The following SCN7A variants were observed in gnomAD, a reference collection of about 807,000 sequenced individuals.
SCN7A encodes sodium voltage-gated channel alpha subunit 7.
Under a neutral mutation model 155.2 loss-of-function variants are expected in SCN7A, and 138 were observed. The observed-to-expected ratio is 0.89, with a 90% CI of 0.77 to 1.02. The LOEUF (loss-of-function observed/expected upper bound fraction) is 1.02. SCN7A is among the 50% of genes least tolerant of loss of function. SCN7A has a pLI of 0.00. For missense variants in SCN7A, 2,058 were observed against 1,986.6 expected, an observed-to-expected ratio of 1.04 and a Z score of -0.68; for synonymous variants, 693 against 649.0, an observed-to-expected ratio of 1.07 and a Z score of -1.03.
Position 166,429,155 on chromosome 2 carries a change from C to T in SCN7A, c.2698+14G>A, listed in dbSNP as rs765351053. Reference sequence around the variant, plus strand: ...CAAATTAGTTTCCTAGCAAGATTAACAAAATTTTCTTACCATTTTTCAGAT... The same window carrying T: ...CAAATTAGTTTCCTAGCAAGATTAATAAAATTTTCTTACCATTTTTCAGAT... On this transcript the variant is annotated intron_variant, in intron 17 of 25. Transcript: ENST00000643258. The T allele has an allele frequency of 1.6e-5, 23 of 1,476,898 alleles. 1 individual carries two copies. In the South Asian group the frequency reaches 2.7e-4, roughly 17 times the overall value. The allele number at this position is 1,476,898 out of a possible 1,614,324, so 91.5% of individuals were successfully genotyped here. A position where few individuals can be genotyped will look rare whatever the true frequency, so the allele number is the denominator to read the frequency against.
At chr2:166,428,533 C>T (rs774014979) in intron 17 of SCN7A, among the ~76,000 whole-genome samples, 10 of 151,898 alleles carry the variant, frequency 6.6e-5, no homozygotes, top group Non-Finnish European at 1.2e-4. Context: ...CTGCACTCTG[C>T]GCTCTGGCCA....
chr2:166,477,775 T>C (rs2105514706), intron 2 of SCN7A, 65 bp from the exon 3 acceptor site: 1 of 1,025,142 alleles, frequency 9.8e-7, no homozygotes, highest in Non-Finnish European at 1.4e-6. Context: ...AAGATTAGGA[T>C]ACGAAAAATA....
In SCN7A at chr2:166,456,970, T is replaced by C. The variant is rs531031459; in HGVS notation, c.1190A>G (p.Tyr397Cys). ...ACCAACTCTCTGCTTTTCTTCTTCA[T>C]AGGCCATGGCAAGTATGCCTAAGAA... ...SLFLGILAMA[Y>C]EEEKQRVGEI... Residue 397 changes from tyrosine to cysteine, a missense_variant, in exon 11 of 26, where the codon TAT becomes TGT. Coordinates refer to ENST00000643258, the MANE Select transcript of SCN7A (RefSeq NM_002976.4). 3 of 1,604,212 alleles carry C rather than the reference T, an allele frequency of 1.9e-6. No individual in the cohort carries two copies. Among genetic ancestry groups the C allele is most frequent in the African/African-American group, 2.7e-5 (2 of 74,896 alleles).
chr2:166,421,641 T>G (rs1575011846), intron 19 of SCN7A, among the ~76,000 whole-genome samples: 1 of 151,990 alleles, frequency 6.6e-6, no homozygotes, highest in African/African-American at 2.4e-5. Context: ...TCATAATTAC[T>G]TGTAATACAG....
intron 16 of SCN7A, among the ~76,000 whole-genome samples, chr2:166,432,001 T>C (rs995622659): frequency 3.9e-5 from 6 of 152,118 alleles, no homozygotes; most frequent in East Asian, 1.9e-4. Flanking sequence ...TATTAATTTA[T>C]AGAATGTCAC....
intron 7 of SCN7A, among the ~76,000 whole-genome samples, chr2:166,466,772 A>G (rs1452344707): frequency 6.6e-6 from 1 of 152,008 alleles, no homozygotes; most frequent in East Asian, 1.9e-4. Flanking sequence ...ATGAATGAGA[A>G]TATACTAACT....
At chr2:166,438,425 G>A (rs1401009100) in intron 15 of SCN7A, among the ~76,000 whole-genome samples, 2 of 152,116 alleles carry the variant, frequency 1.3e-5, no homozygotes, top group African/African-American at 4.8e-5. Flanking sequence ...AGCAGCATGA[G>A]AGTGGACTAA....
chr2:166,419,176 G>T (rs1701454888), intron 20 of SCN7A, among the ~76,000 whole-genome samples: 1 of 152,020 alleles, frequency 6.6e-6, no homozygotes, highest in Non-Finnish European at 1.5e-5. Flanking sequence ...TTAGGAAAAA[G>T]AACTGGTATT....
chr2:166,469,216 T>C (rs1213473894), intron 7 of SCN7A, among the ~76,000 whole-genome samples: 1 of 151,792 alleles, frequency 6.6e-6, no homozygotes, highest in East Asian at 1.9e-4. Flanking sequence ...ACTGTATTAA[T>C]ATAGAATTCC....
chr2:166,426,598 G>A (rs932045297), intron 18 of SCN7A, among the ~76,000 whole-genome samples: 8 of 152,068 alleles, frequency 5.3e-5, no homozygotes, highest in African/African-American at 1.9e-4. Flanking sequence ...AACAAAATGA[G>A]AGGAAGAAGA....
At chr2:166,431,586 A>G (rs750324339) in intron 16 of SCN7A, among the ~76,000 whole-genome samples, 1 of 152,070 alleles carries the variant, frequency 6.6e-6, no homozygotes, top group Non-Finnish European at 1.5e-5. Flanking sequence ...ACCTCCTTCT[A>G]AAACACAAGC....
chr2:166,409,661 T>A lies in SCN7A; in HGVS notation c.3982+4A>T. On this transcript the variant is annotated splice_donor_region_variant and intron_variant, in intron 25 of 25. Coordinates refer to ENST00000643258, the MANE Select transcript of SCN7A (RefSeq NM_002976.4). ...AGTAAAAATTTGACTAAACAAAATC[T>A]TACCTGTGATGGAGAAAATAACCAC... The A allele has an allele frequency of 6.7e-7, 1 of 1,489,430 alleles. No individual in the cohort carries two copies. Among genetic ancestry groups the A allele is most frequent in the Non-Finnish European group, 8.9e-7 (1 of 1,122,568 alleles). 92.3% of individuals were successfully genotyped at this position (1,489,430 alleles called of 1,614,324 possible).
At chr2:166,471,364 A>G (rs1702650636) in intron 6 of SCN7A, among the ~76,000 whole-genome samples, 1 of 151,980 alleles carries the variant, frequency 6.6e-6, no homozygotes, top group Non-Finnish European at 1.5e-5. Context: ...GAATTAATTT[A>G]TGTGAAGTAC....
At chr2:166,419,575 C>G (rs545048857) in intron 20 of SCN7A, among the ~76,000 whole-genome samples, 4 of 151,912 alleles carry the variant, frequency 2.6e-5, no homozygotes, top group Admixed American at 6.6e-5. Flanking sequence ...CTGTGTTACC[C>G]GGGCTCGTCT....
rs1701050523 is a variant in SCN7A, at chr2:166,405,594, G to C, written c.5035C>G (p.Gln1679Glu). ...FDKAKEKSPI[Q>E]SQI ...GGTAAGTGGTATTAGATCTGGCTTT[G>C]AATAGGTGACTTTTCCTTAGCTTTG... Residue 1679 changes from glutamine to glutamate, a missense_variant, in exon 26 of 26, where the codon CAA becomes GAA. Gln to Glu is a conservative substitution (Grantham distance 29). Transcript: ENST00000643258. 2 of 1,586,860 alleles carry C rather than the reference G, an allele frequency of 1.3e-6. No homozygotes were observed. The highest frequency in any genetic ancestry group is 1.7e-6 in the Non-Finnish European group (2 of 1,168,016).
chr2:166,432,191 T>C (rs577826998), intron 16 of SCN7A, 127 bp downstream of exon 16: 7 of 673,648 alleles, frequency 1.0e-5, no homozygotes, highest in Non-Finnish European at 1.5e-5. Context: ...CTAAGAGTGA[T>C]GGAGCTAGGA....
rs1701170608 is a variant in SCN7A, at chr2:166,410,219, C to A, written c.3711+1G>T. 6.5e-7 allele frequency: 1 copy of A among 1,536,460 alleles called. No homozygotes were observed. Among genetic ancestry groups the A allele is most frequent in the Non-Finnish European group, 8.8e-7 (1 of 1,138,828 alleles). ...TTCAAAAAATCTAGACATTTTCTTA[C>A]TAATGGGCGAGGTACTGGTCTTTGA... is the stretch of plus-strand genomic sequence containing the variant. On this transcript the variant is annotated splice_donor_variant, in intron 24 of 25. Coordinates refer to ENST00000643258, the MANE Select transcript of SCN7A (RefSeq NM_002976.4). LOFTEE classifies it high-confidence loss of function.
intron 15 of SCN7A, chr2:166,440,434 T>G (rs1701935761): frequency 6.6e-6 from 1 of 152,152 alleles, no homozygotes; most frequent in East Asian, 1.9e-4. Flanking sequence ...TCTGGGAGTC[T>G]GCATTTCTAA....
chr2:166,458,039 T>C (rs949440997), intron 10 of SCN7A, among the ~76,000 whole-genome samples: 1 of 152,204 alleles, frequency 6.6e-6, no homozygotes, highest in Admixed American at 6.5e-5. Flanking sequence ...AGCCCTGTTA[T>C]CACAGTGAGC....
Sources: allele counts gnomAD v4.1 joint callset (sites outside exome capture counted in the v4.1 genomes callset), GRCh38; gene constraint gnomAD v4.1.1; transcripts MANE v1.5; gene names NCBI Gene and HGNC (gene_info 2026-07-23, HGNC 2026-07-21).